TM9SF3: variants seen among roughly 807,000 people sequenced by gnomAD.
TM9SF3 encodes transmembrane 9 superfamily member 3, also known as SM-11044-binding protein.
TM9SF3 carries 14 observed loss-of-function variants against 78.6 expected under a neutral mutation model. That is an observed-to-expected ratio of 0.18 (90% CI 0.12 to 0.28). The LOEUF (loss-of-function observed/expected upper bound fraction) is 0.28. Among genes scored for constraint, TM9SF3 ranks in the 10% least tolerant of loss-of-function variants. The pLI is 1.00. For synonymous variants in TM9SF3, 231 were observed against 241.7 expected (o/e 0.96, Z 0.41); for missense variants, 496 against 721.9 (o/e 0.69, Z 3.59).
At position 96,576,658 on chromosome 10, in the gene TM9SF3, T is replaced by C. The variant is rs1222699845; in HGVS notation, c.274A>G (p.Ser92Gly). ...EALQGVELEFSGLDIKFKDDV... is the reference protein window; with the variant it reads ...EALQGVELEFGGLDIKFKDDV... ...CCTTTAAATTTAATATCCAGACCAC[T>C]AAATTCCAATTCAACCCCTTGAAGT... is the stretch of plus-strand genomic sequence containing the variant. The change falls in exon 2 of 15, where the codon AGT (serine) becomes GGT (glycine). Residue 92 changes from serine to glycine, a missense_variant. By Grantham distance (56) the Ser-to-Gly change is moderately conservative. Transcript: ENST00000371142. 6.3e-7 allele frequency: 1 copy of C among 1,599,750 alleles called. No individual in the cohort carries two copies. The highest frequency in any genetic ancestry group is 2.2e-5 in the East Asian group (1 of 44,626).
chr10:96,570,866 T>C (rs1332239071), intron 2 of TM9SF3, among the ~76,000 whole-genome samples: 4 of 152,278 alleles, frequency 2.6e-5, no homozygotes, highest in Non-Finnish European at 5.9e-5. Context: ...CTGCCTCGGC[T>C]TCCCGGGTAG....
At chr10:96,549,376 T>C (rs779204205) in intron 7 of TM9SF3, among the ~76,000 whole-genome samples, 2 of 152,168 alleles carry the variant, frequency 1.3e-5, no homozygotes, top group Admixed American at 1.3e-4. Flanking sequence ...TTCCGTAACA[T>C]AGCAAATTAA....
rs1306421237 is a variant in TM9SF3, at chr10:96,519,864, T to C, written c.*2399A>G. On this transcript the variant is annotated 3_prime_UTR_variant, in exon 15 of 15. Transcript: ENST00000371142. The stretch of plus-strand genomic sequence containing the variant: ...ATACAAGTCCTTTTCTAAAAGACTT[T>C]AAAGGTGATTAATATTCATTTAATG... 2 of 151,858 alleles carry C rather than the reference T, an allele frequency of 1.3e-5. No homozygotes were observed. The highest frequency in any genetic ancestry group is 4.8e-5 in the African/African-American group (2 of 41,390). The allele number at this position is 151,858 out of a possible 1,614,324, so 9.4% of individuals were successfully genotyped here.
chr10:96,551,408 T>C lies in TM9SF3; in HGVS notation c.796A>G (p.Arg266Gly). 1 of 1,595,140 alleles carries C rather than the reference T, an allele frequency of 6.3e-7. No homozygotes were observed. Among genetic ancestry groups the C allele is most frequent in the Non-Finnish European group, 8.5e-7 (1 of 1,171,610 alleles). Residue 266 changes from arginine to glycine, a missense_variant, in exon 7 of 15, where the codon AGA becomes GGA. Physicochemically the swap from Arg to Gly is moderately radical, Grantham distance 125 (BLOSUM62 -2). Coordinates refer to ENST00000371142, the MANE Select transcript of TM9SF3 (RefSeq NM_020123.4). Reference protein sequence around the residue: ...SKEEEMDDMDRDLGDEYGWKQ... With the variant: ...SKEEEMDDMDGDLGDEYGWKQ... ...CATCCATATTCATCTCCTAGGTCTC[T>C]ATCCTATATACAAATATATATATAG...
chr10:96,567,375 G>A (rs928730249), intron 2 of TM9SF3, among the ~76,000 whole-genome samples: 8 of 152,068 alleles, frequency 5.3e-5, no homozygotes, highest in South Asian at 2.1e-4. Context: ...GTGAGCCACC[G>A]CACCCGGCCA....
chr10:96,535,174 C>T (rs1847942800), intron 9 of TM9SF3, among the ~76,000 whole-genome samples: 1 of 152,124 alleles, frequency 6.6e-6, no homozygotes, highest in Non-Finnish European at 1.5e-5. Context: ...TCAATATTTT[C>T]CCTTTTGTTG....
chr10:96,552,780 G>A (rs1848189826), intron 6 of TM9SF3, 148 bp downstream of exon 6: 1 of 649,818 alleles, frequency 1.5e-6, no homozygotes, highest in Non-Finnish European at 2.2e-6. Flanking sequence ...AGACCACACT[G>A]GGCATTTTAC....
intron 2 of TM9SF3, among the ~76,000 whole-genome samples, chr10:96,570,987 C>T (rs1020111204): frequency 3.9e-5 from 6 of 152,208 alleles, no homozygotes; most frequent in African/African-American, 1.4e-4. Context: ...GATCCACCCG[C>T]CTCGGCTTCC....
intron 14 of TM9SF3, 103 bp from the exon 15 acceptor site, chr10:96,522,433 A>G: frequency 1.1e-6 from 1 of 910,388 alleles, no homozygotes; most frequent in Non-Finnish European, 1.6e-6. Context: ...ATTCTTTTTT[A>G]AAGAAAATAT....
chr10:96,548,561 G>T (rs1184648379), intron 7 of TM9SF3, among the ~76,000 whole-genome samples: 2 of 152,132 alleles, frequency 1.3e-5, no homozygotes, highest in African/African-American at 4.8e-5. Context: ...ACTTTGGAAA[G>T]CCAAGGTGGG....
chr10:96,525,305 A>T (rs1847825370), intron 14 of TM9SF3, among the ~76,000 whole-genome samples: 1 of 152,038 alleles, frequency 6.6e-6, no homozygotes, highest in Non-Finnish European at 1.5e-5. Context: ...AGTCCCTCTC[A>T]TCTTTCTCTC....
chr10:96,561,878 C>A, intron 4 of TM9SF3, 100 bp downstream of exon 4: 1 of 949,006 alleles, frequency 1.1e-6, no homozygotes, highest in Non-Finnish European at 1.6e-6. Flanking sequence ...TGTTGCATCC[C>A]ATTTCAAGCT....
At position 96,518,804 on chromosome 10, in the gene TM9SF3, C is replaced by T. The variant is rs1847725033; in HGVS notation, c.*3459G>A. The T allele has an allele frequency of 1.3e-5, 2 of 151,630 alleles. No homozygotes were observed. Among genetic ancestry groups the T allele is most frequent in the South Asian group, 4.2e-4 (2 of 4,806 alleles). The allele number at this position is 151,630 out of a possible 1,614,324, so 9.4% of individuals were successfully genotyped here. A position where few individuals can be genotyped will look rare whatever the true frequency, so the allele number is the denominator to read the frequency against. Reference sequence around the variant, plus strand: ...ATTTCTGTACACACTTCCAAATACTCTTCATAAATTTTCACTTCTGACTGA... The same window carrying T: ...ATTTCTGTACACACTTCCAAATACTTTTCATAAATTTTCACTTCTGACTGA... On this transcript the variant is annotated 3_prime_UTR_variant, in exon 15 of 15. Transcript: ENST00000371142.
intron 1 of TM9SF3, among the ~76,000 whole-genome samples, chr10:96,579,126 T>C (rs532271116): frequency 6.6e-6 from 1 of 152,166 alleles, no homozygotes; most frequent in Admixed American, 6.5e-5. Flanking sequence ...ATAAATATGA[T>C]GGGAAAACAC....
Position 96,586,981 on chromosome 10 carries a change from T to TGCCGCC in TM9SF3, c.-152_-147dup, listed in dbSNP as rs1311954098. On this transcript the variant is annotated 5_prime_UTR_variant, in exon 1 of 15. Transcript: ENST00000371142. ...GGCCCGGCCCAGCCGCTGCCTCCTC[T>TGCCGCC]GCCGCCGCCGTCGCCGTCACCGCCC... 3.7e-6 allele frequency: 2 copies of TGCCGCC among 547,678 alleles called. No individual in the cohort carries two copies. The highest frequency in any genetic ancestry group is 5.0e-6 in the Non-Finnish European group (2 of 399,486). The allele number at this position is 547,678 out of a possible 1,614,324, so 33.9% of individuals were successfully genotyped here.
intron 7 of TM9SF3, among the ~76,000 whole-genome samples, chr10:96,548,991 C>T (rs894352840): frequency 6.6e-6 from 1 of 152,048 alleles, no homozygotes; most frequent in Non-Finnish European, 1.5e-5. Context: ...CCTTATTCAT[C>T]TCTCCAAGAT....
intron 4 of TM9SF3, among the ~76,000 whole-genome samples, chr10:96,561,446 TAC>T (rs1456842033): frequency 6.6e-6 from 1 of 152,204 alleles, no homozygotes; most frequent in Non-Finnish European, 1.5e-5. Flanking sequence ...AGAGGCTACC[TAC>T]ACTGAATTTC....
intron 9 of TM9SF3, among the ~76,000 whole-genome samples, chr10:96,540,193 C>A (rs1411860820): frequency 1.3e-5 from 2 of 152,134 alleles, no homozygotes; most frequent in Non-Finnish European, 2.9e-5. Flanking sequence ...CAGCAGACCA[C>A]CATGTCTCTA....
intron 10 of TM9SF3, among the ~76,000 whole-genome samples, chr10:96,531,483 A>G (rs1847893236): frequency 6.6e-6 from 1 of 152,222 alleles, no homozygotes; most frequent in African/African-American, 2.4e-5. Context: ...CTGGCACAAA[A>G]AAGATCCTAA....
Sources: gnomAD v4.1 joint callset for allele counts (sites outside exome capture counted in the v4.1 genomes callset) on GRCh38, gnomAD v4.1.1 for gene constraint, MANE v1.5 for transcripts, NCBI Gene and HGNC (gene_info 2026-07-23, HGNC 2026-07-21) for gene names.